The following CNTN2 variants were observed in gnomAD, a reference collection of about 807,000 sequenced individuals.
CNTN2 encodes contactin-2.
Under a neutral mutation model 117.5 loss-of-function variants are expected in CNTN2, and 53 were observed. The ratio of observed to expected loss-of-function variants is 0.45; its 90% confidence interval spans 0.36 to 0.57. The LOEUF is 0.57. CNTN2 is among the 20% of genes least tolerant of loss of function. The probability of loss-of-function intolerance (pLI) is 0.00; values close to 1 mark genes in which losing one functional copy is unlikely to be tolerated. For missense variants in CNTN2, 1,106 were observed against 1,404.3 expected (o/e 0.79, Z 3.39); for synonymous variants, 530 against 561.7 (o/e 0.94, Z 0.80).
rs1053454639 is a variant in CNTN2, at chr1:205,077,773, GCCCCAAGACTCCTCCAACTTACCCGT to G, written c.*4012_*4037del. On this transcript the variant is annotated 3_prime_UTR_variant, in exon 23 of 23. Transcript: ENST00000331830. ...CTTAGATGGGATACATCTTGCCTCG[GCCCCAAGACTCCTCCAACTTACCCGT>G]CCCATCCAGGGCCTGCACAGCTTAG... The G allele has an allele frequency of 6.6e-6, 1 of 152,188 alleles. No homozygotes were observed. Among genetic ancestry groups the G allele is most frequent in the African/African-American group, 2.4e-5 (1 of 41,416 alleles). 9.4% of individuals were successfully genotyped at this position (152,188 alleles called of 1,614,324 possible). A position where few individuals can be genotyped will look rare whatever the true frequency, so the allele number is the denominator to read the frequency against.
In CNTN2 at chr1:205,074,170, T is replaced by C. The variant is rs1339752228; in HGVS notation, c.*405T>C. The C allele has an allele frequency of 5.0e-5, 23 of 463,568 alleles. No individual in the cohort carries two copies. Among genetic ancestry groups the C allele is most frequent in the African/African-American group, 3.9e-5 (2 of 51,878 alleles). 28.7% of individuals were successfully genotyped at this position (463,568 alleles called of 1,614,324 possible). On this transcript the variant is annotated 3_prime_UTR_variant, in exon 23 of 23. Transcript: ENST00000331830. ...CTAGGCCCGGCAGGAACACCAGACA[T>C]GAACAGGTTGAAGAACTGGAGCGAA...
chr1:205,049,452 T>C (rs1446751195), intron 1 of CNTN2, among the ~76,000 whole-genome samples: 1 of 144,008 alleles, frequency 6.9e-6, no homozygotes, highest in African/African-American at 2.5e-5. Context: ...ACACAACAGA[T>C]ACCCACAAGC....
At chr1:205,055,884 G>A (rs563759712) in intron 2 of CNTN2, among the ~76,000 whole-genome samples, 8 of 152,250 alleles carry the variant, frequency 5.3e-5, no homozygotes, top group South Asian at 2.1e-4. Flanking sequence ...TAAGCAGTCC[G>A]TCTATAGCAC....
In CNTN2 at chr1:205,075,738, G is replaced by C. The variant is rs7518906; in HGVS notation, c.*1973G>C. ...GTCAGCTTTCCTGGAGCTGGCTAAT[G>C]AAAGCCTCCTCACCTCTTCCCAACC... On this transcript the variant is annotated 3_prime_UTR_variant, in exon 23 of 23. Coordinates refer to ENST00000331830, the MANE Select transcript of CNTN2 (RefSeq NM_005076.5). 118,841 of 144,750 alleles carry C rather than the reference G, an allele frequency of 0.82. 49,142 individuals are homozygous for C. The highest frequency in any genetic ancestry group is 0.97 in the East Asian group (4,662 of 4,798). 9.0% of individuals were successfully genotyped at this position (144,750 alleles called of 1,614,324 possible). A position where few individuals can be genotyped will look rare whatever the true frequency, so the allele number is the denominator to read the frequency against.
rs766760353 is a variant in CNTN2, at chr1:205,070,420, C to T, written c.2432-6C>T. The T allele has an allele frequency of 3.1e-6, 5 of 1,603,080 alleles. No individual in the cohort carries two copies. The Admixed American group carries it at 6.7e-5, about 21-fold the overall frequency. ...GAATCCAAACCCATTCTGTATTGGT[C>T]CCCAGAGCCCAGGGTGGCCCCTACC... On this transcript the variant is annotated splice_region_variant and splice_polypyrimidine_tract_variant and intron_variant, in intron 18 of 22. Transcript: ENST00000331830.
intron 2 of CNTN2, 146 bp from the exon 3 acceptor site, chr1:205,057,775 A>C (rs1653723977): frequency 6.2e-6 from 5 of 806,460 alleles, no homozygotes; most frequent in Non-Finnish European, 9.7e-6. Flanking sequence ...CGATAGCCCT[A>C]CGTGGCTAGT....
chr1:205,054,983 G>A (rs181543416), intron 2 of CNTN2, among the ~76,000 whole-genome samples: 40 of 152,104 alleles, frequency 2.6e-4, no homozygotes, highest in African/African-American at 9.7e-4. Flanking sequence ...GCCTGGGAGA[G>A]TGTGTTTTGT....
rs767285972 is a variant in CNTN2, at chr1:205,059,545, G to A, written c.698-38G>A. The A allele has an allele frequency of 1.3e-6, 2 of 1,588,628 alleles. No homozygotes were observed. The highest frequency in any genetic ancestry group is 2.2e-5 in the East Asian group (1 of 44,734). ...CATGCACGGGAGCACCTGACCTGGAGTCATCTGCATCTGATTTGTAAAACC... is the reference window on the plus strand; with the variant it reads ...CATGCACGGGAGCACCTGACCTGGAATCATCTGCATCTGATTTGTAAAACC... On this transcript the variant is annotated intron_variant, in intron 6 of 22. Coordinates refer to ENST00000331830, the MANE Select transcript of CNTN2 (RefSeq NM_005076.5). The surrounding 1 kb of genome is among the most constrained non-coding windows in gnomAD (Gnocchi z 5.6).
chr1:205,062,429 C>T lies in CNTN2; in HGVS notation c.1111-11C>T, dbSNP rs765974056. On this transcript the variant is annotated splice_polypyrimidine_tract_variant and intron_variant, in intron 9 of 22. Coordinates refer to ENST00000331830, the MANE Select transcript of CNTN2 (RefSeq NM_005076.5). ...TCCTGATCCCCCTGGGCTCTGGGCTCTTCTGCACAGAACCGGGTGGAGGTG... is the reference window on the plus strand; with the variant it reads ...TCCTGATCCCCCTGGGCTCTGGGCTTTTCTGCACAGAACCGGGTGGAGGTG... 7 of 1,610,086 alleles carry T rather than the reference C, an allele frequency of 4.3e-6. No individual in the cohort carries two copies. Among genetic ancestry groups the T allele is most frequent in the Admixed American group, 3.4e-5 (2 of 59,610 alleles).
chr1:205,064,975 C>T (rs1654200155), intron 12 of CNTN2, 112 bp from the exon 13 acceptor site: 1 of 1,309,910 alleles, frequency 7.6e-7, no homozygotes, highest in South Asian at 1.3e-5. Flanking sequence ...GTGGGTCACA[C>T]CACCTCTTCT....
intron 1 of CNTN2, 133 bp from the exon 2 acceptor site, chr1:205,052,967 C>G: frequency 2.3e-6 from 1 of 430,364 alleles, no homozygotes; most frequent in East Asian, 3.5e-5. Flanking sequence ...CTCTGGGGCC[C>G]TGGGGAGAAT....
rs1018533985 is a variant in CNTN2 at position 205,072,919 on chromosome 1, AG to A, written c.2845-147del. ...GCCTGCAAGCTTTCCTCCACCAATG[AG>A]GAGCTTTGTCAATGGGGAGGAGGGG... On this transcript the variant is annotated intron_variant, in intron 21 of 22. Coordinates refer to ENST00000331830, the MANE Select transcript of CNTN2 (RefSeq NM_005076.5). 6.1e-6 allele frequency: 5 copies of A among 817,018 alleles called. No homozygotes were observed. In the Admixed American group the frequency reaches 1.4e-4, roughly 23 times the overall value. The allele number at this position is 817,018 out of a possible 1,614,324, so 50.6% of individuals were successfully genotyped here.
chr1:205,073,177 G>T lies in CNTN2; in HGVS notation c.2954G>T (p.Arg985Leu). Residue 985 changes from arginine (R) to leucine (L), a missense_variant, in exon 22 of 23, where the codon CGG becomes CTG. Physicochemically the swap from Arg to Leu is moderately radical, Grantham distance 102 (BLOSUM62 -2). Transcript: ENST00000331830. The surrounding 1 kb of genome is among the most constrained non-coding windows in gnomAD (Gnocchi z 6.3). ...EDIGHALVQI[R>L]TTGPGGDGIP... is the part of the protein sequence containing the mutation. ...ATTGGCCATGCCCTGGTACAAATTC[G>T]GACCACAGGGCCCGGAGGGGATGGG... The T allele has an allele frequency of 6.2e-7, 1 of 1,614,024 alleles. No homozygotes were observed. The highest frequency in any genetic ancestry group is 8.5e-7 in the Non-Finnish European group (1 of 1,180,002).
chr1:205,066,088 A>G (rs992162738), intron 14 of CNTN2, 179 bp downstream of exon 14: 1 of 764,602 alleles, frequency 1.3e-6, no homozygotes, highest in Non-Finnish European at 2.1e-6. Context: ...TGATCAGGAC[A>G]TTTTTCTTCC....
rs990059879 is a variant in CNTN2, at chr1:205,058,049, C to A, written c.199C>A (p.Pro67Thr). The A allele has an allele frequency of 6.2e-7, 1 of 1,613,360 alleles. No homozygotes were observed. Among genetic ancestry groups the A allele is most frequent in the African/African-American group, 1.3e-5 (1 of 75,042 alleles). ...GCTGGCATGCCGCGCCCGGGCCAGCCCTCCAGCCACCTATCGGTAAGGCCT... is the reference window on the plus strand; with the variant it reads ...GCTGGCATGCCGCGCCCGGGCCAGCACTCCAGCCACCTATCGGTAAGGCCT... ...VLLACRARASPPATYRWKMNG... is the reference protein window; with the variant it reads ...VLLACRARASTPATYRWKMNG... Residue 67 changes from proline (P) to threonine (T), a missense_variant, in exon 3 of 23, where the codon CCT becomes ACT. Physicochemically the swap from Pro to Thr is conservative, Grantham distance 38. Transcript: ENST00000331830. This position sits in a 1 kb window ranked among gnomAD's most constrained non-coding sequence, Gnocchi z 4.3.
chr1:205,067,150 C>A lies in CNTN2; in HGVS notation c.2025C>A (p.Leu675=), dbSNP rs1340029424. ...GNAETAQVLG[L]TPWMDYEFRV... The stretch of plus-strand genomic sequence containing the variant: ...CCGAGACTGCACAGGTGCTGGGCCT[C>A]ACCCCCTGGATGGACTATGAGTTCC... The change falls in exon 16 of 23, where the codon CTC becomes CTA. Residue 675 remains leucine (L), a synonymous_variant. Coordinates refer to ENST00000331830, the MANE Select transcript of CNTN2 (RefSeq NM_005076.5). The A allele has an allele frequency of 1.2e-6, 2 of 1,614,110 alleles. No individual in the cohort carries two copies. The highest frequency in any genetic ancestry group is 2.2e-5 in the South Asian group (2 of 91,082).
At chr1:205,071,819 A>G (rs1031271132) in intron 19 of CNTN2, 128 bp from the exon 20 acceptor site, 2 of 825,990 alleles carry the variant, frequency 2.4e-6, no homozygotes, top group African/African-American at 3.5e-5. Context: ...TCTAGTCTCC[A>G]GGTTCTGAGG....
At position 205,059,006 on chromosome 1, in the gene CNTN2, C is replaced by T; in HGVS notation, c.488-78C>T. The T allele has an allele frequency of 7.5e-7, 1 of 1,330,862 alleles. No individual in the cohort carries two copies. The highest frequency in any genetic ancestry group is 1.1e-6 in the Non-Finnish European group (1 of 937,912). 82.4% of individuals were successfully genotyped at this position (1,330,862 alleles called of 1,614,324 possible). A position where few individuals can be genotyped will look rare whatever the true frequency, so the allele number is the denominator to read the frequency against. On this transcript the variant is annotated intron_variant, in intron 5 of 22. Transcript: ENST00000331830. This position sits in a 1 kb window ranked among gnomAD's most constrained non-coding sequence, Gnocchi z 5.6. ...TCAGGACAGGGCTTGCAGAACCGCACCAGCATGCTGGGGTCCCACCCAGAG... is the reference window on the plus strand; with the variant it reads ...TCAGGACAGGGCTTGCAGAACCGCATCAGCATGCTGGGGTCCCACCCAGAG...
chr1:205,059,766 CTCTTA>C lies in CNTN2; in HGVS notation c.797+89_797+93del. The C allele has an allele frequency of 7.0e-6, 8 of 1,150,696 alleles. No homozygotes were observed. The highest frequency in any genetic ancestry group is 7.8e-6 in the Non-Finnish European group (6 of 765,036). The allele number at this position is 1,150,696 out of a possible 1,614,324, so 71.3% of individuals were successfully genotyped here. On this transcript the variant is annotated intron_variant, in intron 7 of 22. Coordinates refer to ENST00000331830, the MANE Select transcript of CNTN2 (RefSeq NM_005076.5). This position sits in a 1 kb window ranked among gnomAD's most constrained non-coding sequence, Gnocchi z 5.6. ...AGGGTGAGGGCAGGCAGAGTCAGGG[CTCTTA>C]TCTTGGTGTCCCTCACAGGGTCTAG...
Sources: allele counts gnomAD v4.1 joint callset (sites outside exome capture counted in the v4.1 genomes callset), GRCh38; gene constraint gnomAD v4.1.1; non-coding constraint Gnocchi (gnomAD v3.1); transcripts MANE v1.5; gene names NCBI Gene and HGNC (gene_info 2026-07-23, HGNC 2026-07-21).